Variants in SH2D4B observed in about 807,000 individuals in gnomAD.
The protein encoded by SH2D4B is SH2 domain containing 4B.
SH2D4B carries 45 observed loss-of-function variants against 61.5 expected under a neutral mutation model. That is an observed-to-expected ratio of 0.73 (90% CI 0.58 to 0.94). SH2D4B has a LOEUF of 0.94. Among genes scored for constraint, SH2D4B ranks in the 40% least tolerant of loss-of-function variants. The pLI, the probability that SH2D4B is intolerant of heterozygous loss-of-function variation, is 0.00. For missense variants in SH2D4B, 572 were observed against 574.2 expected, an observed-to-expected ratio of 1.00 and a Z score of 0.04; for synonymous variants, 224 against 220.4, an observed-to-expected ratio of 1.02 and a Z score of -0.14.
chr10:80,548,873 T>C (rs747232252), intron 1 of SH2D4B, among the ~76,000 whole-genome samples: 14 of 152,254 alleles, frequency 9.2e-5, no homozygotes, highest in Non-Finnish European at 2.1e-4. Flanking sequence ...AGGGCTTTCC[T>C]GTGTGTCTCA....
chr10:80,630,873 C>T (rs1032593795), intron 6 of SH2D4B, among the ~76,000 whole-genome samples: 3 of 152,166 alleles, frequency 2.0e-5, no homozygotes, highest in Admixed American at 2.0e-4. Context: ...TAGGTTGAGG[C>T]GGGGCATAGA....
rs1476677536 is a variant in SH2D4B, at chr10:80,539,279, GCC to G, written c.184+765_184+766del. Among the ~76,000 whole-genome samples, 3 of 152,238 alleles carry G rather than the reference GCC, an allele frequency of 2.0e-5. No homozygotes were observed. The highest frequency in any genetic ancestry group is 2.0e-4 in the Admixed American group (3 of 15,288). On this transcript the variant is annotated intron_variant, in intron 1 of 7. Coordinates refer to ENST00000646907, the MANE Select transcript of SH2D4B (RefSeq NM_001388272.1). This position sits in a 1 kb window ranked among gnomAD's most constrained non-coding sequence, Gnocchi z 4.9. ...TTGGCTTGGCACAGGACTCAATCCT[GCC>G]AGGGATTGTAGTTTCTGTGGATGCT...
chr10:80,644,071 CTGT>C lies in SH2D4B; in HGVS notation c.1293_1295del (p.Leu431del), dbSNP rs747646296. On this transcript the variant is annotated inframe_deletion, in exon 8 of 8. Transcript: ENST00000646907. ...GAGGGACAGCCCACCAGACTACCATCTGTTGTTTGAATAATTTTTTTCCTTATC... is the reference window on the plus strand; with the variant it reads ...GAGGGACAGCCCACCAGACTACCATCTGTTTGAATAATTTTTTTCCTTATC... The C allele has an allele frequency of 9.9e-6, 16 of 1,613,594 alleles. 1 individual carries two copies. In the South Asian group the frequency reaches 1.6e-4, roughly 17 times the overall value.
rs1000377693 is a variant in SH2D4B at position 80,563,783 on chromosome 10, C to T, written c.185-6371C>T. On this transcript the variant is annotated intron_variant, in intron 1 of 7. Transcript: ENST00000646907. The stretch of plus-strand genomic sequence containing the variant: ...AGCTAATTATTTGATAACTCTTGTC[C>T]TAAAGGATGCATTATATGTGCTGAG... Among the ~76,000 whole-genome samples, 31 of 152,226 alleles carry T rather than the reference C, an allele frequency of 2.0e-4. 1 individual carries two copies. The highest frequency in any genetic ancestry group is 3.8e-4 in the Non-Finnish European group (26 of 68,026).
intron 6 of SH2D4B, among the ~76,000 whole-genome samples, chr10:80,618,374 A>C (rs1400545991): frequency 6.6e-6 from 1 of 152,242 alleles, no homozygotes; most frequent in Non-Finnish European, 1.5e-5. Context: ...TGGAGCAGAC[A>C]TTCATAGGCA....
At chr10:80,638,483 A>C (rs1226714425) in intron 7 of SH2D4B, among the ~76,000 whole-genome samples, 2 of 152,140 alleles carry the variant, frequency 1.3e-5, no homozygotes, top group Admixed American at 1.3e-4. Context: ...TGGTCTATTC[A>C]GTGATTCAAC....
At chr10:80,570,839 CTTTGT>C in intron 2 of SH2D4B, among the ~76,000 whole-genome samples, 1 of 152,084 alleles carries the variant, frequency 6.6e-6, no homozygotes, top group South Asian at 2.1e-4. Flanking sequence ...TTACATGCAT[CTTTGT>C]TTTATTTACT....
chr10:80,636,085 A>G (rs905342349), intron 7 of SH2D4B, among the ~76,000 whole-genome samples: 14 of 152,114 alleles, frequency 9.2e-5, no homozygotes, highest in Admixed American at 1.3e-4. Context: ...TGCGAGAATG[A>G]TGGTTTCCAG....
At chr10:80,570,456 G>A in intron 2 of SH2D4B, 140 bp downstream of exon 2, 2 of 1,052,472 alleles carry the variant, frequency 1.9e-6, no homozygotes, top group Non-Finnish European at 2.7e-6. Flanking sequence ...CTGACCTCAG[G>A]TGAGCCACCC....
chr10:80,634,858 C>G (rs1842878959), intron 7 of SH2D4B, among the ~76,000 whole-genome samples: 1 of 152,220 alleles, frequency 6.6e-6, no homozygotes, highest in South Asian at 2.1e-4. Flanking sequence ...CCAAGAACGT[C>G]TCTCATGAGG....
intron 1 of SH2D4B, among the ~76,000 whole-genome samples, chr10:80,556,154 G>A (rs543216900): frequency 2.0e-5 from 3 of 150,868 alleles, no homozygotes; most frequent in African/African-American, 7.3e-5. Flanking sequence ...TTTTGCACAT[G>A]AATGTCTAAT....
Position 80,538,494 on chromosome 10 carries a change from AG to A in SH2D4B, c.165del (p.Arg55SerfsTer18). The A allele has an allele frequency of 7.0e-7, 1 of 1,423,110 alleles. No individual in the cohort carries two copies. Among genetic ancestry groups the A allele is most frequent in the Non-Finnish European group, 9.2e-7 (1 of 1,086,460 alleles). The allele number at this position is 1,423,110 out of a possible 1,614,324, so 88.2% of individuals were successfully genotyped here. On this transcript the variant is annotated frameshift_variant, in exon 1 of 8. Coordinates refer to ENST00000646907, the MANE Select transcript of SH2D4B (RefSeq NM_001388272.1). LOFTEE classifies it high-confidence loss of function. This position sits in a 1 kb window ranked among gnomAD's most constrained non-coding sequence, Gnocchi z 4.8. ...GGCCCTGGCCCAGGACGAGGGTCTC[AG>A]GCCTCCAAAGACCAAGCGAGGTACG... Reference protein sequence around the residue: ...WEALAQDEGLRPPKTKRAASD... With the variant: ...WEALAQDEGLXPPKTKRAASD...
intron 4 of SH2D4B, among the ~76,000 whole-genome samples, chr10:80,598,183 G>A (rs918066114): frequency 1.3e-5 from 2 of 152,160 alleles, no homozygotes; most frequent in African/African-American, 4.8e-5. Context: ...GTAAAATGGG[G>A]TTAATCATGT....
intron 1 of SH2D4B, among the ~76,000 whole-genome samples, chr10:80,547,270 T>C (rs1245826888): frequency 1.3e-5 from 2 of 152,232 alleles, no homozygotes; most frequent in Non-Finnish European, 2.9e-5. Context: ...CATGGGAAAT[T>C]CTTGCTTAAA....
intron 1 of SH2D4B, among the ~76,000 whole-genome samples, chr10:80,566,090 C>CAAAAAAAAAAAAAAAA (rs60774703): frequency 8.4e-5 from 2 of 23,816 alleles, no homozygotes; most frequent in African/African-American, 3.4e-4. Context: ...GACTCCGGCT[C>CAAAAAAAAAAAAAAAA]AAAAAAAAAA....
At chr10:80,631,106 A>G (rs1046161863) in intron 6 of SH2D4B, among the ~76,000 whole-genome samples, 3 of 152,152 alleles carry the variant, frequency 2.0e-5, no homozygotes, top group Non-Finnish European at 4.4e-5. Flanking sequence ...AAATAGAAGT[A>G]CCCCATAATC....
intron 6 of SH2D4B, among the ~76,000 whole-genome samples, chr10:80,610,707 A>C (rs1317499578): frequency 6.6e-6 from 1 of 152,154 alleles, no homozygotes; most frequent in African/African-American, 2.4e-5. Flanking sequence ...CCCAATGAAT[A>C]GCATCCGTGT....
At position 80,645,128 on chromosome 10, in the gene SH2D4B, C is replaced by G. The variant is rs1275543063; in HGVS notation, c.*1043C>G. 2 of 152,196 alleles carry G rather than the reference C, an allele frequency of 1.3e-5. No homozygotes were observed. The highest frequency in any genetic ancestry group is 2.9e-5 in the Non-Finnish European group (2 of 68,032). The allele number at this position is 152,196 out of a possible 1,614,324, so 9.4% of individuals were successfully genotyped here. ...AAGAAGACTTGGGTTCATATCCTAA[C>G]CCTGGAACTTACTAGCATTATAATG... On this transcript the variant is annotated 3_prime_UTR_variant, in exon 8 of 8. Coordinates refer to ENST00000646907, the MANE Select transcript of SH2D4B (RefSeq NM_001388272.1).
At chr10:80,540,804 G>A (rs2132098925) in intron 1 of SH2D4B, 1 of 1,547,924 alleles carries the variant, frequency 6.5e-7, no homozygotes, top group Non-Finnish European at 8.7e-7. Flanking sequence ...GAGTGCCAAG[G>A]GTGAGGCTTG....
Sources: gnomAD v4.1 joint callset for allele counts (sites outside exome capture counted in the v4.1 genomes callset) on GRCh38, gnomAD v4.1.1 for gene constraint, Gnocchi (gnomAD v3.1) non-coding constraint, MANE v1.5 for transcripts, NCBI Gene and HGNC (gene_info 2026-07-23, HGNC 2026-07-21) for gene names.